ALK: variants seen among roughly 807,000 people sequenced by gnomAD.
ALK encodes ALK receptor tyrosine kinase, also known as ALK tyrosine kinase receptor.
Under a neutral mutation model 163.1 loss-of-function variants are expected in ALK, and 74 were observed. The observed-to-expected ratio is 0.45, with a 90% CI of 0.38 to 0.55. ALK has a LOEUF of 0.55. Ranked by LOEUF, ALK falls within the 20% of genes least tolerant of loss-of-function variation. ALK has a pLI of 0.00. For synonymous variants in ALK, 960 were observed against 843.2 expected, an observed-to-expected ratio of 1.14 and a Z score of -2.40; for missense variants, 2,063 against 2,105.3, an observed-to-expected ratio of 0.98 and a Z score of 0.39.
At chr2:29,844,061 G>A (rs529437453) in intron 1 of ALK, among the ~76,000 whole-genome samples, 1 of 152,326 alleles carries the variant, frequency 6.6e-6, no homozygotes, top group African/African-American at 2.4e-5. Context: ...ACTTGGTAAA[G>A]GGCATAGAAT....
chr2:29,771,020 C>T (rs1558480868), intron 1 of ALK, among the ~76,000 whole-genome samples: 2 of 146,348 alleles, frequency 1.4e-5, no homozygotes, highest in African/African-American at 2.6e-5. Flanking sequence ...TACACAAATA[C>T]ACACAAACAC....
chr2:29,677,171 G>A (rs1677899331), intron 3 of ALK, among the ~76,000 whole-genome samples: 1 of 149,628 alleles, frequency 6.7e-6, no homozygotes, highest in Non-Finnish European at 1.5e-5. Context: ...CTGTATATCT[G>A]CATGTTTTTG....
At chr2:29,447,099 C>G (rs752135279) in intron 4 of ALK, among the ~76,000 whole-genome samples, 2 of 152,144 alleles carry the variant, frequency 1.3e-5, no homozygotes, top group South Asian at 2.1e-4. Flanking sequence ...CAGCTGTAAA[C>G]GCAGCTGGGG....
Position 29,193,284 on chromosome 2 carries a change from A to G in ALK, c.4803T>C (p.Ala1601=), listed in dbSNP as rs2148137056. The stretch of plus-strand genomic sequence containing the variant: ...TCAGAATGGTATCCTCGTAATGACC[A>G]GCTCCAGGGGCAGTAGCGGCTTCTA... The part of the protein sequence containing the change: ...LPLEAATAPG[A]GHYEDTILKS... The change falls in exon 29 of 29, where the codon GCT becomes GCC. Residue 1601 remains alanine (A), a synonymous_variant. Coordinates refer to ENST00000389048, the MANE Select transcript of ALK (RefSeq NM_004304.5). 6.2e-7 allele frequency: 1 copy of G among 1,614,202 alleles called. No homozygotes were observed. Among genetic ancestry groups the G allele is most frequent in the Non-Finnish European group, 8.5e-7 (1 of 1,180,026 alleles).
intron 1 of ALK, among the ~76,000 whole-genome samples, chr2:29,761,007 T>A (rs1033140769): frequency 6.6e-6 from 1 of 152,096 alleles, no homozygotes; most frequent in African/African-American, 2.4e-5. Flanking sequence ...CTCTAATGAA[T>A]CACTTCTGCA....
At chr2:29,678,624 A>C (rs984527578) in intron 3 of ALK, among the ~76,000 whole-genome samples, 4 of 151,422 alleles carry the variant, frequency 2.6e-5, no homozygotes, top group African/African-American at 9.7e-5. Context: ...TCAGTGGTCA[A>C]CTTTTAGTTT....
At chr2:29,675,329 A>T (rs868404286) in intron 3 of ALK, among the ~76,000 whole-genome samples, 4 of 151,998 alleles carry the variant, frequency 2.6e-5, no homozygotes, top group Non-Finnish European at 2.9e-5. Flanking sequence ...AGCAGATTCT[A>T]TTTTTTTCTC....
In ALK at chr2:29,532,044, C is replaced by T. The variant is rs2148158708; in HGVS notation, c.1025G>A (p.Ser342Asn). 1.2e-6 allele frequency: 2 copies of T among 1,614,102 alleles called. No individual in the cohort carries two copies. The highest frequency in any genetic ancestry group is 1.7e-6 in the Non-Finnish European group (2 of 1,180,006). ...TILSPWMRSS[S>N]EHCTLAVSVH... ...CGAGACGGCCAGTGTGCAGTGCTCA[C>T]TGCTGCTCCTCATCCACGGACTCAG... Residue 342 changes from serine (S) to asparagine (N), a missense_variant, in exon 4 of 29, where the codon AGT becomes AAT. Physicochemically the swap from Ser to Asn is conservative, Grantham distance 46. Coordinates refer to ENST00000389048, the MANE Select transcript of ALK (RefSeq NM_004304.5).
At chr2:29,884,387 C>T (rs1032595473) in intron 1 of ALK, among the ~76,000 whole-genome samples, 1 of 151,974 alleles carries the variant, frequency 6.6e-6, no homozygotes, top group Non-Finnish European at 1.5e-5. Context: ...AGATGAATTG[C>T]TTGATATGTG....
At chr2:29,853,586 T>A (rs989992535) in intron 1 of ALK, among the ~76,000 whole-genome samples, 3 of 152,176 alleles carry the variant, frequency 2.0e-5, no homozygotes, top group Non-Finnish European at 2.9e-5. Context: ...GCCTCCCACC[T>A]CTGCTCTCCC....
intron 5 of ALK, 76 bp from the exon 6 acceptor site, chr2:29,328,557 C>T (rs1667345104): frequency 6.3e-7 from 1 of 1,590,272 alleles, no homozygotes; most frequent in South Asian, 1.1e-5. Flanking sequence ...GGGTTGGTCC[C>T]ATGGGCAGGC....
At chr2:29,907,536 T>C (rs1483343381) in intron 1 of ALK, among the ~76,000 whole-genome samples, 1 of 152,234 alleles carries the variant, frequency 6.6e-6, no homozygotes, top group African/African-American at 2.4e-5. Context: ...GCTGAGCTTC[T>C]ATAACACCAC....
intron 3 of ALK, among the ~76,000 whole-genome samples, chr2:29,691,705 T>G (rs1678401430): frequency 1.3e-5 from 2 of 152,160 alleles, no homozygotes; most frequent in Non-Finnish European, 1.5e-5. Context: ...CCCCCCTTCT[T>G]TTTTGTTTTG....
At chr2:29,301,619 C>A (rs1292988965) in intron 8 of ALK, among the ~76,000 whole-genome samples, 5 of 152,208 alleles carry the variant, frequency 3.3e-5, no homozygotes. Flanking sequence ...CACTTTCCAG[C>A]CACTTGGCTA....
intron 3 of ALK, among the ~76,000 whole-genome samples, chr2:29,573,570 A>T (rs904450133): frequency 2.6e-5 from 4 of 152,232 alleles, no homozygotes; most frequent in African/African-American, 7.2e-5. Flanking sequence ...TTCAAACTTC[A>T]GTGTCCACCA....
intron 4 of ALK, among the ~76,000 whole-genome samples, chr2:29,491,415 T>C (rs777393807): frequency 5.3e-5 from 8 of 152,162 alleles, no homozygotes; most frequent in Non-Finnish European, 1.0e-4. Context: ...CAAAATTCCA[T>C]GCTGTCTCTA....
At chr2:29,386,785 A>G (rs1156857101) in intron 4 of ALK, among the ~76,000 whole-genome samples, 1 of 152,252 alleles carries the variant, frequency 6.6e-6, no homozygotes, top group Non-Finnish European at 1.5e-5. Context: ...GTTGCCAAAC[A>G]TGTATTTTAT....
chr2:29,843,965 G>C (rs927426197), intron 1 of ALK, among the ~76,000 whole-genome samples: 13 of 152,250 alleles, frequency 8.5e-5, no homozygotes, highest in South Asian at 2.1e-4. Flanking sequence ...CTCAAAAACA[G>C]AGGTAAATTT....
At chr2:29,502,881 T>C (rs1473517377) in intron 4 of ALK, among the ~76,000 whole-genome samples, 1 of 152,248 alleles carries the variant, frequency 6.6e-6, no homozygotes, top group Non-Finnish European at 1.5e-5. Flanking sequence ...CTGGAATGCA[T>C]GCAGAGACCT....
Sources: allele counts gnomAD v4.1 joint callset (sites outside exome capture counted in the v4.1 genomes callset), GRCh38; gene constraint gnomAD v4.1.1; transcripts MANE v1.5; gene names NCBI Gene and HGNC (gene_info 2026-07-23, HGNC 2026-07-21).